HRH2: variants seen among roughly 807,000 people sequenced by gnomAD.
HRH2 encodes the protein histamine H2 receptor.
HRH2 carries 4 observed loss-of-function variants against 20.1 expected under a neutral mutation model. That is an observed-to-expected ratio of 0.20 (90% CI 0.10 to 0.45). HRH2 has a LOEUF of 0.45. Ranked by LOEUF, HRH2 falls within the 20% of genes least tolerant of loss-of-function variation. The pLI is 0.99. For synonymous variants in HRH2, 197 were observed against 200.7 expected, an observed-to-expected ratio of 0.98 and a Z score of 0.16; for missense variants, 250 against 461.6, an observed-to-expected ratio of 0.54 and a Z score of 4.20.
chr5:175,675,940 C>G (rs1755742038), intron 1 of HRH2, among the ~76,000 whole-genome samples: 1 of 152,228 alleles, frequency 6.6e-6, no homozygotes, highest in African/African-American at 2.4e-5. Flanking sequence ...CATCCCTACC[C>G]TCTCACTGCC....
intron 2 of HRH2, among the ~76,000 whole-genome samples, chr5:175,703,191 G>C (rs1320087329): frequency 1.3e-5 from 2 of 152,188 alleles, no homozygotes; most frequent in Non-Finnish European, 2.9e-5. Flanking sequence ...AGCTGGCCAT[G>C]TGTTAGGTTA....
intron 1 of HRH2, among the ~76,000 whole-genome samples, chr5:175,664,835 G>A (rs561824312): frequency 1.1e-4 from 16 of 152,174 alleles, no homozygotes; most frequent in East Asian, 3.9e-4. Context: ...GCAGGGGCTC[G>A]CTATGTTGCC....
In HRH2 at chr5:175,684,006, G is replaced by C; in HGVS notation, c.773G>C (p.Gly258Ala). 6.2e-7 allele frequency: 1 copy of C among 1,614,172 alleles called. No homozygotes were observed. Among genetic ancestry groups the C allele is most frequent in the Non-Finnish European group, 8.5e-7 (1 of 1,180,036 alleles). ...FPYFTAFVYR[G>A]LRGDDAINEV... ...TACTTCACCGCGTTTGTGTACCGTGGGCTGAGAGGGGATGATGCCATCAAT... is the reference window on the plus strand; with the variant it reads ...TACTTCACCGCGTTTGTGTACCGTGCGCTGAGAGGGGATGATGCCATCAAT... The change falls in exon 2 of 3, where the codon GGG (glycine) becomes GCG (alanine). Residue 258 changes from glycine to alanine, a missense_variant. This residue lies in a region of HRH2 where 58 missense variants were observed against 166.8 expected (regional missense o/e 0.35). Coordinates refer to ENST00000636584, the MANE Select transcript of HRH2 (RefSeq NM_001367711.1).
intron 2 of HRH2, chr5:175,685,434 T>C (rs1033425145): frequency 4.5e-6 from 7 of 1,551,556 alleles, no homozygotes; most frequent in African/African-American, 1.4e-5. Context: ...TCCAGAATGC[T>C]GGTCTGTGGA....
At chr5:175,689,248 T>C (rs968600225) in intron 2 of HRH2, among the ~76,000 whole-genome samples, 1 of 152,124 alleles carries the variant, frequency 6.6e-6, no homozygotes, top group Non-Finnish European at 1.5e-5. Flanking sequence ...CACGACCTCC[T>C]CTCCTGCCCC....
At chr5:175,695,821 A>G (rs1428539592) in intron 2 of HRH2, among the ~76,000 whole-genome samples, 21 of 152,356 alleles carry the variant, frequency 1.4e-4, no homozygotes, top group African/African-American at 4.8e-4. Context: ...AGGGGAGAGG[A>G]GTCTTCGAAG....
intron 2 of HRH2, among the ~76,000 whole-genome samples, chr5:175,704,303 A>T (rs758740232): frequency 7.9e-5 from 12 of 152,184 alleles, no homozygotes; most frequent in Non-Finnish European, 1.5e-4. Context: ...AGTTAGATTT[A>T]TACAGAAATA....
chr5:175,670,350 A>T (rs2113487408), intron 1 of HRH2, among the ~76,000 whole-genome samples: 1 of 152,358 alleles, frequency 6.6e-6, no homozygotes, highest in African/African-American at 2.4e-5. Context: ...CTTCTTAAAA[A>T]AAATTGATAA....
At chr5:175,678,668 G>A (rs550028822) in intron 1 of HRH2, among the ~76,000 whole-genome samples, 1 of 152,378 alleles carries the variant, frequency 6.6e-6, no homozygotes, top group African/African-American at 2.4e-5. Flanking sequence ...CGGGCACAGC[G>A]GTCGCTGCGT....
At chr5:175,675,766 C>T (rs1264232985) in intron 1 of HRH2, among the ~76,000 whole-genome samples, 2 of 152,186 alleles carry the variant, frequency 1.3e-5, no homozygotes, top group Non-Finnish European at 2.9e-5. Context: ...CTCAGCATAC[C>T]CTTCTCCTTC....
At chr5:175,674,192 C>T (rs889568534) in intron 1 of HRH2, among the ~76,000 whole-genome samples, 2 of 152,126 alleles carry the variant, frequency 1.3e-5, no homozygotes, top group Non-Finnish European at 2.9e-5. Flanking sequence ...CAAATCAGTG[C>T]CGAGGCTGGT....
rs1042831462 is a variant in HRH2 at position 175,673,176 on chromosome 5, A to G, written c.-525-9533A>G. 2.2e-4 allele frequency among the ~76,000 whole-genome samples: 34 copies of G among 152,156 alleles called. 1 individual carries two copies. The highest frequency in any genetic ancestry group is 2.2e-3 in the Admixed American group (34 of 15,280). On this transcript the variant is annotated intron_variant, in intron 1 of 2. Coordinates refer to ENST00000636584, the MANE Select transcript of HRH2 (RefSeq NM_001367711.1). ...GACCTGTCTCAAAACTTCAGGCAAG[A>G]GAGGGTGATGGCTCGAACTAGGACT...
chr5:175,658,535 G>A (rs891505317), intron 1 of HRH2, among the ~76,000 whole-genome samples: 14 of 152,148 alleles, frequency 9.2e-5, no homozygotes. Context: ...AACAGTCCCC[G>A]TTTTGTCTCC....
chr5:175,701,700 G>A (rs1050839065), intron 2 of HRH2, among the ~76,000 whole-genome samples: 6 of 152,176 alleles, frequency 3.9e-5, no homozygotes, highest in African/African-American at 1.4e-4. Context: ...AGGGAAATAG[G>A]TCAACTCCAC....
intron 2 of HRH2, among the ~76,000 whole-genome samples, chr5:175,689,527 G>A (rs975071137): frequency 6.6e-6 from 1 of 152,178 alleles, no homozygotes; most frequent in Non-Finnish European, 1.5e-5. Context: ...CAGGAACCCT[G>A]AGAAGTGAAC....
Position 175,683,103 on chromosome 5 carries a change from A to C in HRH2, c.-131A>C, listed in dbSNP as rs1756043627. Reference sequence around the variant, plus strand: ...CCCACCCCCTGGCCAAAAAAAAAAAAAAAAAAAAACTGGACACATTTTGGA... The same window carrying C: ...CCCACCCCCTGGCCAAAAAAAAAAACAAAAAAAAACTGGACACATTTTGGA... On this transcript the variant is annotated 5_prime_UTR_variant, in exon 2 of 3. Transcript: ENST00000636584. 5 of 1,255,366 alleles carry C rather than the reference A, an allele frequency of 4.0e-6. No homozygotes were observed. The highest frequency in any genetic ancestry group is 5.4e-6 in the Non-Finnish European group (5 of 919,632). The allele number at this position is 1,255,366 out of a possible 1,614,324, so 77.8% of individuals were successfully genotyped here.
At chr5:175,661,807 G>A (rs141197589) in intron 1 of HRH2, among the ~76,000 whole-genome samples, 3,308 of 152,264 alleles carry the variant, frequency 0.022, 69 homozygotes, top group Admixed American at 0.07. Flanking sequence ...GGATCACAAG[G>A]TGAGGAGTTC....
Position 175,693,411 on chromosome 5 carries a change from C to T in HRH2, c.1076+9102C>T, listed in dbSNP as rs901499526. Among the ~76,000 whole-genome samples, 3 of 152,208 alleles carry T rather than the reference C, an allele frequency of 2.0e-5. No individual in the cohort carries two copies. Among genetic ancestry groups the T allele is most frequent in the African/African-American group, 7.2e-5 (3 of 41,446 alleles). Reference sequence around the variant, plus strand: ...TGCTAGACAACCATCAGTGTGCCTGCTTCTCCTGTCTCTGATCCATGTAGA... The same window carrying T: ...TGCTAGACAACCATCAGTGTGCCTGTTTCTCCTGTCTCTGATCCATGTAGA... On this transcript the variant is annotated intron_variant, in intron 2 of 2. Transcript: ENST00000636584. The surrounding 1 kb of genome is among the most constrained non-coding windows in gnomAD (Gnocchi z 4.4).
intron 2 of HRH2, among the ~76,000 whole-genome samples, chr5:175,698,205 A>G (rs1036139494): frequency 1.1e-4 from 17 of 152,238 alleles, no homozygotes; most frequent in African/African-American, 3.4e-4. Context: ...CAATTAACCC[A>G]AACATTTTAT....
Sources: gnomAD v4.1 joint callset for allele counts (sites outside exome capture counted in the v4.1 genomes callset) on GRCh38, gnomAD v4.1.1 for gene constraint, gnomAD v4.1.1 regional missense constraint, Gnocchi (gnomAD v3.1) non-coding constraint, MANE v1.5 for transcripts, NCBI Gene and HGNC (gene_info 2026-07-23, HGNC 2026-07-21) for gene names.